The following OR2AT4 variants were observed in gnomAD, a reference collection of about 807,000 sequenced individuals.
OR2AT4 encodes the protein olfactory receptor family 2 subfamily AT member 4.
A neutral mutation model predicts 10.3 loss-of-function variants in OR2AT4; 6 were observed. The ratio of observed to expected loss-of-function variants is 0.58; its 90% confidence interval spans 0.32 to 1.15. The LOEUF (loss-of-function observed/expected upper bound fraction) is 1.15. OR2AT4 is among the 50% of genes most tolerant of loss of function. The pLI, the probability that OR2AT4 is intolerant of heterozygous loss-of-function variation, is 0.05. For synonymous variants in OR2AT4, 145 were observed against 159.1 expected (o/e 0.91, Z 0.67); for missense variants, 354 against 393.8 (o/e 0.90, Z 0.85).
At chr11:75,096,087 A>G (rs1591787242) in intron 1 of OR2AT4, 1 of 152,040 alleles carries the variant, frequency 6.6e-6, no homozygotes, top group African/African-American at 2.4e-5. Flanking sequence ...TTATCAACTC[A>G]CCTTGAGCTC....
exon 2 of OR2AT4, chr11:75,081,824 A>G (rs1397358378): frequency 6.6e-6 from 1 of 152,192 alleles, no homozygotes; most frequent in Non-Finnish European, 1.5e-5. Context: ...CTAACCAAAG[A>G]GGTGAAAGAT....
chr11:75,096,565 C>T (rs1487284853), intron 1 of OR2AT4, among the ~76,000 whole-genome samples: 4 of 152,176 alleles, frequency 2.6e-5, no homozygotes, highest in South Asian at 2.1e-4. Flanking sequence ...TTTCTCTTAT[C>T]GTCATCAGCT....
At chr11:75,096,651 C>A (rs1027580112) in intron 1 of OR2AT4, among the ~76,000 whole-genome samples, 177 bp downstream of exon 1, 4 of 152,094 alleles carry the variant, frequency 2.6e-5, no homozygotes, top group Non-Finnish European at 1.5e-5. Context: ...CCCCTGCCTG[C>A]GAGGGTGTCT....
At chr11:75,095,822 C>T (rs1033390997) in intron 1 of OR2AT4, among the ~76,000 whole-genome samples, 10 of 152,050 alleles carry the variant, frequency 6.6e-5, no homozygotes, top group African/African-American at 9.6e-5. Context: ...GGATTACAGG[C>T]GCTTGCCACC....
exon 2 of OR2AT4, chr11:75,082,852 T>G (rs973581197): frequency 1.3e-5 from 2 of 151,728 alleles, no homozygotes; most frequent in East Asian, 3.9e-4. Context: ...GAGGCGGAGG[T>G]GGAAGGATCC....
exon 2 of OR2AT4, chr11:75,084,869 C>T (rs984157058): frequency 1.3e-5 from 2 of 152,000 alleles, no homozygotes; most frequent in South Asian, 2.1e-4. Flanking sequence ...TATTAAAATT[C>T]GTGTGAAGTT....
Position 75,089,295 on chromosome 11 carries a change from A to AG in OR2AT4, c.418dup (p.Leu140ProfsTer35). 1 of 1,614,216 alleles carries AG rather than the reference A, an allele frequency of 6.2e-7. No homozygotes were observed. The highest frequency in any genetic ancestry group is 8.5e-7 in the Non-Finnish European group (1 of 1,180,036). On this transcript the variant is annotated frameshift_variant, in exon 2 of 2. Coordinates refer to ENST00000641504, the Ensembl canonical transcript of OR2AT4. LOFTEE classifies it high-confidence loss of function. ...GGTAGCATTGGTCTGTGGGTTCATG[A>AG]GGACAGGGTAGTGCAGTGGGTGGCA...
intron 1 of OR2AT4, among the ~76,000 whole-genome samples, chr11:75,094,299 G>A (rs954750961): frequency 6.6e-6 from 1 of 152,042 alleles, no homozygotes; most frequent in Admixed American, 6.6e-5. Flanking sequence ...CATGAGGGGA[G>A]AGACTGGGGC....
exon 2 of OR2AT4, chr11:75,087,332 A>G (rs923317782): frequency 7.7e-4 from 117 of 152,228 alleles, no homozygotes; most frequent in African/African-American, 2.7e-3. Context: ...AAAACCATGC[A>G]TGGTAAAATA....
chr11:75,091,745 G>A (rs756408199), intron 1 of OR2AT4, among the ~76,000 whole-genome samples: 1 of 152,148 alleles, frequency 6.6e-6, no homozygotes, highest in South Asian at 2.1e-4. Flanking sequence ...ATTGTCTATG[G>A]GTGTGAGGAC....
intron 1 of OR2AT4, among the ~76,000 whole-genome samples, chr11:75,091,050 A>T (rs1446766016): frequency 1.3e-5 from 2 of 152,196 alleles, no homozygotes; most frequent in Admixed American, 1.3e-4. Flanking sequence ...ACAACTCAGG[A>T]GGGTCATACC....
At chr11:75,092,817 T>C (rs1286708235) in intron 1 of OR2AT4, among the ~76,000 whole-genome samples, 1 of 150,068 alleles carries the variant, frequency 6.7e-6, no homozygotes, top group African/African-American at 2.5e-5. Context: ...AAAAAAAAGA[T>C]AAGGTCAGGT....
intron 1 of OR2AT4, among the ~76,000 whole-genome samples, chr11:75,092,564 C>T (rs1162669771): frequency 6.6e-6 from 1 of 152,134 alleles, no homozygotes; most frequent in Non-Finnish European, 1.5e-5. Context: ...TGCACCTGAT[C>T]CAATAAATTC....
intron 1 of OR2AT4, among the ~76,000 whole-genome samples, chr11:75,092,222 G>T (rs772529260): frequency 1.3e-5 from 2 of 152,148 alleles, no homozygotes; most frequent in Non-Finnish European, 1.5e-5. Context: ...TAAAAGGACC[G>T]CAAGTGTTGG....
At chr11:75,085,803 C>T (rs1386898835) in exon 2 of OR2AT4, 1 of 152,048 alleles carries the variant, frequency 6.6e-6, no homozygotes, top group Non-Finnish European at 1.5e-5. Context: ...ATAGATTTAA[C>T]ATAGTCCCTC....
intron 1 of OR2AT4, among the ~76,000 whole-genome samples, chr11:75,095,286 C>T (rs1174610873): frequency 1.3e-5 from 2 of 152,208 alleles, no homozygotes; most frequent in Admixed American, 1.3e-4. Context: ...TGTCTTCTTG[C>T]AGCCTTGTTT....
At chr11:75,089,646 G>T (rs1209868088) in exon 2 of OR2AT4, 2 of 1,613,840 alleles carry the variant, frequency 1.2e-6, no homozygotes, top group Non-Finnish European at 1.7e-6. Context: ...CTCTGGCAGA[G>T]AGGGGATGCC....
chr11:75,087,666 C>T (rs1217875728), exon 2 of OR2AT4: 2 of 152,188 alleles, frequency 1.3e-5, no homozygotes, highest in Non-Finnish European at 2.9e-5. Context: ...TTTAATACAT[C>T]CCTTTTAGGA....
At chr11:75,083,970 CA>C (rs35578037) in exon 2 of OR2AT4, 21,981 of 96,928 alleles carry the variant, frequency 0.23, 1,867 homozygotes, top group East Asian at 0.46. Context: ...AACTCCGTCT[CA>C]AAAAAAAAAA....
Sources: gnomAD v4.1 joint callset for allele counts (sites outside exome capture counted in the v4.1 genomes callset) on GRCh38, gnomAD v4.1.1 for gene constraint, MANE v1.5 for transcripts, NCBI Gene and HGNC (gene_info 2026-07-23, HGNC 2026-07-21) for gene names.